DNAH6: variants seen among roughly 807,000 people sequenced by gnomAD.
The protein encoded by DNAH6 is axonemal beta dynein heavy chain 6.
A neutral mutation model predicts 491.4 loss-of-function variants in DNAH6; 340 were observed. The ratio of observed to expected loss-of-function variants is 0.69; its 90% confidence interval spans 0.63 to 0.76. The LOEUF (loss-of-function observed/expected upper bound fraction) is 0.76. DNAH6 is among the 30% of genes least tolerant of loss of function. DNAH6 has a pLI of 0.00. For synonymous variants in DNAH6, 1,603 were observed against 1,686.1 expected (o/e 0.95, Z 1.21); for missense variants, 4,443 against 4,972.2 (o/e 0.89, Z 3.20).
intron 43 of DNAH6, among the ~76,000 whole-genome samples, chr2:84,685,711 G>C (rs1478228989): frequency 5.9e-5 from 9 of 152,058 alleles, no homozygotes; most frequent in Admixed American, 5.9e-4. Flanking sequence ...AGTACTTTCG[G>C]TGGCTGGGTA....
intron 4 of DNAH6, among the ~76,000 whole-genome samples, chr2:84,530,471 T>C (rs1460695): frequency 0.96 from 146,406 of 152,220 alleles, 70,446 homozygotes; most frequent in East Asian, 1. Context: ...AAGAGGAGGC[T>C]GGTGTGACTA....
intron 22 of DNAH6, 54 bp downstream of exon 22, chr2:84,611,908 GGACTTTAGTCCCA>G (rs1686375250): frequency 2.8e-6 from 4 of 1,445,576 alleles, no homozygotes; most frequent in South Asian, 2.7e-5. Flanking sequence ...TAGTAGTCTG[GGACTTTAGTCCCA>G]GACTAAAATG....
chr2:84,474,792 T>TC, the DNAH6 span, among the ~76,000 whole-genome samples: 1 of 152,184 alleles, frequency 6.6e-6, no homozygotes, highest in South Asian at 2.1e-4. Context: ...AGGCCAATGC[T>TC]CGGGCCATTG....
At chr2:84,686,585 A>G (rs1287566150) in intron 44 of DNAH6, 28 bp downstream of exon 44, 1 of 1,234,574 alleles carries the variant, frequency 8.1e-7, no homozygotes, top group Non-Finnish European at 1.1e-6. Flanking sequence ...ACTTGACCTC[A>G]TTTGAAAATT....
intron 36 of DNAH6, 90 bp from the exon 37 acceptor site, chr2:84,658,936 T>C: frequency 1.2e-6 from 1 of 829,936 alleles, no homozygotes; most frequent in Non-Finnish European, 1.8e-6. Context: ...TGAGTCTAAA[T>C]GAAAGAAAAA....
intron 59 of DNAH6, among the ~76,000 whole-genome samples, chr2:84,719,154 T>C (rs1697842221): frequency 6.6e-6 from 1 of 152,248 alleles, no homozygotes; most frequent in Non-Finnish European, 1.5e-5. Context: ...TCAAAACTGG[T>C]TGACTGCTTT....
chr2:84,647,406 T>C (rs1378822272), intron 33 of DNAH6, among the ~76,000 whole-genome samples: 1 of 152,180 alleles, frequency 6.6e-6, no homozygotes, highest in African/African-American at 2.4e-5. Flanking sequence ...TGTTAGAAGA[T>C]GATGCCATAT....
the DNAH6 span, among the ~76,000 whole-genome samples, chr2:84,484,160 C>T: frequency 5.9e-5 from 9 of 152,056 alleles, no homozygotes; most frequent in South Asian, 2.1e-4. Context: ...TTCCTGTCAG[C>T]GTGTCTGGGT....
intron 22 of DNAH6, among the ~76,000 whole-genome samples, chr2:84,615,903 A>G (rs1686810315): frequency 6.6e-6 from 1 of 152,012 alleles, no homozygotes; most frequent in South Asian, 2.1e-4. Context: ...TTAATTTTGT[A>G]TCCTGAAACT....
intron 75 of DNAH6, among the ~76,000 whole-genome samples, chr2:84,814,844 G>T (rs772283049): frequency 3.3e-5 from 5 of 152,198 alleles, no homozygotes; most frequent in African/African-American, 9.7e-5. Context: ...CTGTCTCCTG[G>T]CCCACCTAGC....
chr2:84,613,886 T>A (rs993552305), intron 22 of DNAH6, among the ~76,000 whole-genome samples: 10 of 152,144 alleles, frequency 6.6e-5, no homozygotes, highest in Non-Finnish European at 1.5e-4. Context: ...GAGCATTCCT[T>A]TATCAAATAA....
chr2:84,787,331 CATCT>C (rs1168705598), intron 68 of DNAH6, 29 bp downstream of exon 68: 2 of 1,535,720 alleles, frequency 1.3e-6, no homozygotes, highest in Non-Finnish European at 1.8e-6. Context: ...CCAGGCCTTC[CATCT>C]ATGTACCACA....
chr2:84,669,383 A>T lies in DNAH6; in HGVS notation c.6179A>T (p.Asn2060Ile), dbSNP rs1692490271. The T allele has an allele frequency of 6.4e-7, 1 of 1,551,866 alleles. No homozygotes were observed. Among genetic ancestry groups the T allele is most frequent in the Non-Finnish European group, 8.7e-7 (1 of 1,147,038 alleles). ...WERIIPTFKY[N>I]RDVPFFEMLV... The stretch of plus-strand genomic sequence containing the variant: ...CGAATCATACCTACTTTCAAATACA[A>T]CCGAGATGTTCCATTTTTTGAAATG... Residue 2060 changes from asparagine (N) to isoleucine (I), a missense_variant, in exon 38 of 77, where the codon AAC (asparagine) becomes ATC (isoleucine). Physicochemically the swap from Asn to Ile is moderately radical, Grantham distance 149. Transcript: ENST00000389394.
chr2:84,605,753 G>T (rs1280762963), intron 20 of DNAH6, among the ~76,000 whole-genome samples, 161 bp downstream of exon 20: 1 of 152,194 alleles, frequency 6.6e-6, no homozygotes, highest in Non-Finnish European at 1.5e-5. Context: ...TGACGTGAAT[G>T]CTTGTACGTG....
At chr2:84,463,531 G>A in the DNAH6 span, among the ~76,000 whole-genome samples, 1 of 152,170 alleles carries the variant, frequency 6.6e-6, no homozygotes, top group Non-Finnish European at 1.5e-5. Flanking sequence ...GTACTATCCA[G>A]TTTCTTGTGT....
the DNAH6 span, among the ~76,000 whole-genome samples, chr2:84,468,650 G>T: frequency 7.9e-5 from 12 of 152,268 alleles, no homozygotes; most frequent in East Asian, 2.1e-3. Context: ...TACTTACTTC[G>T]TAGGTGGGGA....
chr2:84,601,126 A>G (rs111757952), intron 18 of DNAH6, among the ~76,000 whole-genome samples: 5,733 of 147,984 alleles, frequency 0.039, 363 homozygotes, highest in African/African-American at 0.14. Context: ...TACAAGATGA[A>G]CCTGGAGCAT....
At position 84,669,339 on chromosome 2, in the gene DNAH6, A is replaced by G; in HGVS notation, c.6135A>G (p.Lys2045=). The change falls in exon 38 of 77, where the codon AAA becomes AAG. Residue 2045 remains lysine (K), a synonymous_variant. Coordinates refer to ENST00000389394, the MANE Select transcript of DNAH6 (RefSeq NM_001370.2). ...GCATTCATATGGACTTTGACACCAA[A>G]CGGCTGGATCCCTGGGAACGAATCA... The part of the protein sequence containing the change: ...LWSIHMDFDT[K]RLDPWERIIP... 6.5e-7 allele frequency: 1 copy of G among 1,549,590 alleles called. No individual in the cohort carries two copies. Among genetic ancestry groups the G allele is most frequent in the South Asian group, 1.2e-5 (1 of 84,018 alleles).
chr2:84,567,695 A>G (rs973639970), intron 11 of DNAH6, among the ~76,000 whole-genome samples: 2 of 151,986 alleles, frequency 1.3e-5, no homozygotes, highest in African/African-American at 4.8e-5. Context: ...TATAAAAACC[A>G]TAGAAGAAAA....
Sources: allele counts gnomAD v4.1 joint callset (sites outside exome capture counted in the v4.1 genomes callset), GRCh38; gene constraint gnomAD v4.1.1; transcripts MANE v1.5; gene names NCBI Gene and HGNC (gene_info 2026-07-23, HGNC 2026-07-21).